NSG2: variants seen among roughly 807,000 people sequenced by gnomAD.
NSG2 encodes neuronal vesicle trafficking-associated protein 2.
NSG2 carries 4 observed loss-of-function variants against 16.9 expected under a neutral mutation model. The ratio of observed to expected loss-of-function variants is 0.24; its 90% CI spans 0.12 to 0.54. The LOEUF (loss-of-function observed/expected upper bound fraction) is 0.54. Among genes scored for constraint, NSG2 ranks in the 20% least tolerant of loss-of-function variants. NSG2 has a pLI of 0.95. For missense variants in NSG2, 179 were observed against 221.1 expected (o/e 0.81, Z 1.21); for synonymous variants, 98 against 88.7 (o/e 1.11, Z -0.59).
intron 3 of NSG2, among the ~76,000 whole-genome samples, chr5:174,086,063 C>T (rs551488818): frequency 1.3e-5 from 2 of 152,066 alleles, no homozygotes; most frequent in Non-Finnish European, 2.9e-5. Context: ...TTTTTGTGGA[C>T]ACATGTTTCA....
intron 3 of NSG2, among the ~76,000 whole-genome samples, chr5:174,064,833 T>G (rs1284973164): frequency 6.6e-6 from 1 of 152,090 alleles, no homozygotes; most frequent in Admixed American, 6.5e-5. Context: ...CCACAAAGCA[T>G]TCTCTGTGAG....
chr5:174,105,190 G>C (rs1760957074), intron 4 of NSG2, among the ~76,000 whole-genome samples: 1 of 152,200 alleles, frequency 6.6e-6, no homozygotes, highest in Non-Finnish European at 1.5e-5. Context: ...AGAGTGTTTA[G>C]TTAAGAAGGT....
At position 174,107,365 on chromosome 5, in the gene NSG2, C is replaced by A. The variant is rs1448197994; in HGVS notation, c.376C>A (p.Pro126Thr). 1.2e-6 allele frequency: 2 copies of A among 1,600,782 alleles called. No individual in the cohort carries two copies. The highest frequency in any genetic ancestry group is 2.2e-5 in the East Asian group (1 of 44,482). ...GGATGCTTACTACTCCTCCCAGGACCCCAATTCCAGAAGCCGCTTCTACAC... is the reference window on the plus strand; with the variant it reads ...GGATGCTTACTACTCCTCCCAGGACACCAATTCCAGAAGCCGCTTCTACAC... Reference protein sequence around the residue: ...SLDAYYSSQDPNSRSRFYTVI... With the variant: ...SLDAYYSSQDTNSRSRFYTVI... The change falls in exon 5 of 5, where the codon CCC becomes ACC. Residue 126 changes from proline (P) to threonine (T), a missense_variant. Transcript: ENST00000303177. The surrounding 1 kb of genome is among the most constrained non-coding windows in gnomAD (Gnocchi z 4.5).
rs1291548971 is a variant in NSG2 at position 174,107,461 on chromosome 5, G to A, written c.472G>A (p.Ala158Thr). ...RAIGPWLSAA[A>T]VIHEPKPPKT... The stretch of plus-strand genomic sequence containing the variant: ...CATCGGGCCGTGGCTGTCAGCAGCC[G>A]CTGTCATCCATGAGCCCAAGCCGCC... The change falls in exon 5 of 5, where the codon GCT becomes ACT. Residue 158 changes from alanine to threonine, a missense_variant. Coordinates refer to ENST00000303177, the MANE Select transcript of NSG2 (RefSeq NM_015980.5). This position sits in a 1 kb window ranked among gnomAD's most constrained non-coding sequence, Gnocchi z 4.5. The A allele has an allele frequency of 8.1e-6, 13 of 1,612,132 alleles. No homozygotes were observed. Among genetic ancestry groups the A allele is most frequent in the African/African-American group, 4.0e-5 (3 of 74,886 alleles).
At chr5:174,075,034 T>G (rs1760314662) in intron 3 of NSG2, among the ~76,000 whole-genome samples, 1 of 152,120 alleles carries the variant, frequency 6.6e-6, no homozygotes, top group Admixed American at 6.5e-5. Flanking sequence ...TCTCAAATCC[T>G]TGGTTGGAGT....
chr5:174,046,399 C>G (rs894621962), intron 1 of NSG2, among the ~76,000 whole-genome samples: 1 of 151,992 alleles, frequency 6.6e-6, no homozygotes, highest in Non-Finnish European at 1.5e-5. Flanking sequence ...TAAGTATAAT[C>G]TTTTTACTGG....
chr5:174,060,376 T>A (rs927317232), intron 2 of NSG2, among the ~76,000 whole-genome samples: 1 of 151,950 alleles, frequency 6.6e-6, no homozygotes, highest in Non-Finnish European at 1.5e-5. Context: ...TCTTAATATT[T>A]TTTTTTTTTA....
chr5:174,097,096 G>A (rs1227847713), intron 3 of NSG2, among the ~76,000 whole-genome samples: 2 of 152,164 alleles, frequency 1.3e-5, no homozygotes, highest in East Asian at 1.9e-4. Context: ...TTATTGTTAC[G>A]ACTCCTGCCA....
chr5:174,048,930 C>G (rs1581214783), intron 2 of NSG2, among the ~76,000 whole-genome samples: 2 of 152,354 alleles, frequency 1.3e-5, no homozygotes, highest in East Asian at 1.9e-4. Context: ...ATCACACAGT[C>G]TTTCACCAGG....
intron 2 of NSG2, among the ~76,000 whole-genome samples, chr5:174,051,102 G>A (rs1046999994): frequency 6.6e-6 from 1 of 152,118 alleles, no homozygotes; most frequent in African/African-American, 2.4e-5. Flanking sequence ...CCATGGGGGC[G>A]ATTCTCTCTC....
At chr5:174,080,483 C>G in intron 3 of NSG2, among the ~76,000 whole-genome samples, 1 of 150,750 alleles carries the variant, frequency 6.6e-6, no homozygotes, top group East Asian at 1.9e-4. Context: ...TTCTTTCCCT[C>G]TTTCTTTCTT....
At chr5:174,098,670 T>C (rs1309158336) in intron 3 of NSG2, among the ~76,000 whole-genome samples, 2 of 152,138 alleles carry the variant, frequency 1.3e-5, no homozygotes, top group Non-Finnish European at 2.9e-5. Context: ...CTTTGGTGAA[T>C]TGCTCATTGA....
intron 4 of NSG2, among the ~76,000 whole-genome samples, chr5:174,106,641 C>A (rs1760986399): frequency 7.3e-6 from 1 of 137,156 alleles, no homozygotes; most frequent in African/African-American, 2.8e-5. Context: ...GTCGCCCACG[C>A]TGGAGTGCAG....
intron 3 of NSG2, among the ~76,000 whole-genome samples, chr5:174,092,845 A>G (rs1389506635): frequency 1.3e-5 from 2 of 152,178 alleles, no homozygotes; most frequent in African/African-American, 4.8e-5. Flanking sequence ...TGGAGGGGCC[A>G]CAGTGTGTAA....
intron 3 of NSG2, among the ~76,000 whole-genome samples, chr5:174,092,808 A>G (rs1444255662): frequency 1.3e-5 from 2 of 152,196 alleles, no homozygotes; most frequent in Admixed American, 6.5e-5. Context: ...TCGGCACGTG[A>G]GGATGCTCTA....
At chr5:174,079,203 GGA>G (rs1420205388) in intron 3 of NSG2, among the ~76,000 whole-genome samples, 6 of 151,908 alleles carry the variant, frequency 3.9e-5, no homozygotes, top group Non-Finnish European at 8.8e-5. Flanking sequence ...CTGATAGGTA[GGA>G]AATGGCCCTT....
intron 3 of NSG2, among the ~76,000 whole-genome samples, chr5:174,081,988 A>G (rs1208160277): frequency 6.6e-6 from 1 of 151,656 alleles, no homozygotes; most frequent in East Asian, 1.9e-4. Flanking sequence ...TTCTTTATAT[A>G]TTTTTTAAAA....
At chr5:174,104,459 T>C in intron 4 of NSG2, 121 bp downstream of exon 4, 2 of 688,064 alleles carry the variant, frequency 2.9e-6, no homozygotes, top group Non-Finnish European at 5.0e-6. Context: ...CTGTTTAAAA[T>C]GGAATATGTG....
intron 3 of NSG2, among the ~76,000 whole-genome samples, chr5:174,074,993 G>C (rs1760314096): frequency 6.6e-6 from 1 of 152,044 alleles, no homozygotes; most frequent in Admixed American, 6.5e-5. Context: ...ATTGCTGAAG[G>C]TGCCACTGAA....
Sources: gnomAD v4.1 joint callset for allele counts (sites outside exome capture counted in the v4.1 genomes callset) on GRCh38, gnomAD v4.1.1 for gene constraint, Gnocchi (gnomAD v3.1) non-coding constraint, MANE v1.5 for transcripts, NCBI Gene and HGNC (gene_info 2026-07-23, HGNC 2026-07-21) for gene names.